CNTNAP2: variants seen among roughly 807,000 people sequenced by gnomAD.
CNTNAP2 encodes the protein contactin associated protein 2.
A neutral mutation model predicts 155.2 loss-of-function variants in CNTNAP2; 98 were observed. The observed-to-expected ratio is 0.63, with a 90% confidence interval of 0.54 to 0.75. The LOEUF is 0.75. CNTNAP2 is among the 30% of genes least tolerant of loss of function. CNTNAP2 has a pLI of 0.00. For missense variants in CNTNAP2, 1,727 were observed against 1,688.1 expected, an observed-to-expected ratio of 1.02 and a Z score of -0.40; for synonymous variants, 651 against 631.2, an observed-to-expected ratio of 1.03 and a Z score of -0.47.
At chr7:147,960,224 G>T (rs1801092736) in intron 14 of CNTNAP2, among the ~76,000 whole-genome samples, 1 of 152,078 alleles carries the variant, frequency 6.6e-6, no homozygotes. Flanking sequence ...AATAATAACT[G>T]GTTTTTATGG....
intron 1 of CNTNAP2, among the ~76,000 whole-genome samples, chr7:146,555,551 A>C (rs1025411596): frequency 1.3e-5 from 2 of 151,896 alleles, no homozygotes; most frequent in African/African-American, 4.8e-5. Context: ...TGCGATATCT[A>C]TCACTTTTCA....
At chr7:147,601,152 C>T (rs889662047) in intron 12 of CNTNAP2, among the ~76,000 whole-genome samples, 4 of 152,110 alleles carry the variant, frequency 2.6e-5, no homozygotes, top group Admixed American at 6.6e-5. Context: ...ACCTCTGTCT[C>T]CTCCCTCCTG....
chr7:147,959,695 T>C (rs749556595), intron 14 of CNTNAP2, among the ~76,000 whole-genome samples: 8 of 152,068 alleles, frequency 5.3e-5, no homozygotes, highest in Non-Finnish European at 1.0e-4. Context: ...GTCATTGCCA[T>C]GGGAAGGGGT....
chr7:147,339,196 C>T (rs986997609), intron 9 of CNTNAP2, among the ~76,000 whole-genome samples: 37 of 123,090 alleles, frequency 3.0e-4, no homozygotes, highest in African/African-American at 1.4e-3. Context: ...GATTTGCTTC[C>T]AAAAAAAATG....
intron 1 of CNTNAP2, among the ~76,000 whole-genome samples, chr7:146,561,027 A>G (rs1359731039): frequency 6.6e-6 from 1 of 152,188 alleles, no homozygotes; most frequent in Non-Finnish European, 1.5e-5. Flanking sequence ...TGTCAATTAT[A>G]TATTATAAAC....
intron 1 of CNTNAP2, among the ~76,000 whole-genome samples, chr7:146,547,976 A>C (rs574267607): frequency 1.4e-3 from 212 of 151,292 alleles, no homozygotes; most frequent in African/African-American, 4.7e-3. Context: ...TTCAACTTTT[A>C]TTTTAAGTTC....
chr7:146,892,666 C>T (rs1795804394), intron 3 of CNTNAP2, among the ~76,000 whole-genome samples: 3 of 152,126 alleles, frequency 2.0e-5, no homozygotes. Flanking sequence ...ATCCCAGCTA[C>T]TTGGGAGGCT....
At chr7:146,800,633 C>T (rs193066952) in intron 2 of CNTNAP2, among the ~76,000 whole-genome samples, 14 of 152,234 alleles carry the variant, frequency 9.2e-5, no homozygotes, top group African/African-American at 1.2e-4. Context: ...ATTCCTTGAG[C>T]GCCACAAATA....
At chr7:147,733,701 A>G (rs1369194680) in intron 13 of CNTNAP2, among the ~76,000 whole-genome samples, 2 of 152,108 alleles carry the variant, frequency 1.3e-5, no homozygotes, top group South Asian at 2.1e-4. Flanking sequence ...TCATTGAACA[A>G]TGGTTTGTAG....
chr7:146,836,621 A>T (rs1803622776), intron 2 of CNTNAP2, among the ~76,000 whole-genome samples: 1 of 152,152 alleles, frequency 6.6e-6, no homozygotes, highest in Non-Finnish European at 1.5e-5. Flanking sequence ...CCTGTTATTC[A>T]TCATTACTGT....
intron 9 of CNTNAP2, among the ~76,000 whole-genome samples, chr7:147,364,077 T>C (rs1796187773): frequency 6.6e-6 from 1 of 152,200 alleles, no homozygotes; most frequent in South Asian, 2.1e-4. Flanking sequence ...AGTTTTTCTT[T>C]CCCTTATGGT....
intron 1 of CNTNAP2, among the ~76,000 whole-genome samples, chr7:146,559,567 CAAAT>C (rs533156797): frequency 1.3e-5 from 2 of 151,502 alleles, no homozygotes; most frequent in African/African-American, 2.4e-5. Flanking sequence ...CACTCTGTCT[CAAAT>C]AAATAAATAA....
At chr7:146,944,857 G>A (rs1260470626) in intron 3 of CNTNAP2, among the ~76,000 whole-genome samples, 3 of 151,324 alleles carry the variant, frequency 2.0e-5, no homozygotes, top group East Asian at 1.9e-4. Context: ...TGGCCTGGGC[G>A]ACAGTGCGAG....
chr7:147,630,032 G>A (rs894406030), intron 12 of CNTNAP2, among the ~76,000 whole-genome samples: 2 of 151,826 alleles, frequency 1.3e-5, no homozygotes, highest in African/African-American at 4.8e-5. Flanking sequence ...ATGAAAAAAA[G>A]TGGGTTCTTT....
intron 1 of CNTNAP2, among the ~76,000 whole-genome samples, chr7:146,723,294 A>C (rs6969645): frequency 0.034 from 5,199 of 152,176 alleles, 135 homozygotes; most frequent in East Asian, 0.12. Context: ...CTAGAAGGGG[A>C]CAGGAAGGAT....
At position 147,082,813 on chromosome 7, in the gene CNTNAP2, T is replaced by G. The variant is rs554878550; in HGVS notation, c.551-25334T>G. ...GGTGGAACAGATCTCAGGAATTAGT[T>G]GACCCACTGACCTGATGCTTTGGGA... On this transcript the variant is annotated intron_variant, in intron 4 of 23. Coordinates refer to ENST00000361727, the MANE Select transcript of CNTNAP2 (RefSeq NM_014141.6). The G allele has an allele frequency of 3.3e-5, 5 of 152,322 alleles. No individual in the cohort carries two copies. The South Asian group carries it at 1.0e-3, about 32-fold the overall frequency. 9.4% of individuals were successfully genotyped at this position (152,322 alleles called of 1,614,324 possible). A position where few individuals can be genotyped will look rare whatever the true frequency, so the allele number is the denominator to read the frequency against.
intron 8 of CNTNAP2, among the ~76,000 whole-genome samples, chr7:147,186,204 T>C (rs1351228953): frequency 6.6e-6 from 1 of 152,170 alleles, no homozygotes; most frequent in African/African-American, 2.4e-5. Flanking sequence ...TCAATCTTAA[T>C]GCTTACACTA....
At chr7:147,121,483 ATTC>A (rs1321711134) in intron 6 of CNTNAP2, 3 of 294,134 alleles carry the variant, frequency 1.0e-5, no homozygotes, top group African/African-American at 6.6e-5. Context: ...CATGTTATCA[ATTC>A]TTCTTGAGAA....
intron 9 of CNTNAP2, among the ~76,000 whole-genome samples, chr7:147,314,214 T>C (rs1795183299): frequency 6.6e-6 from 1 of 152,118 alleles, no homozygotes; most frequent in East Asian, 1.9e-4. Flanking sequence ...TGAAGTGTTT[T>C]TGGGGAAATT....
Sources: allele counts gnomAD v4.1 joint callset (sites outside exome capture counted in the v4.1 genomes callset), GRCh38; gene constraint gnomAD v4.1.1; transcripts MANE v1.5; gene names NCBI Gene and HGNC (gene_info 2026-07-23, HGNC 2026-07-21).